Variants in LHFPL6 observed in about 807,000 individuals in gnomAD.
The protein encoded by LHFPL6 is LHFPL tetraspan subfamily member 6.
A neutral mutation model predicts 20.6 loss-of-function variants in LHFPL6; 9 were observed. The ratio of observed to expected loss-of-function variants is 0.44; its 90% CI spans 0.26 to 0.76. LHFPL6 has a LOEUF of 0.76. Ranked by LOEUF, LHFPL6 falls within the 30% of genes least tolerant of loss-of-function variation. The probability of loss-of-function intolerance (pLI) is 0.20; values close to 1 mark genes in which losing one functional copy is unlikely to be tolerated. For synonymous variants in LHFPL6, 105 were observed against 98.7 expected, an observed-to-expected ratio of 1.06 and a Z score of -0.38; for missense variants, 218 against 253.5, an observed-to-expected ratio of 0.86 and a Z score of 0.95.
chr13:39,543,463 C>A (rs1870873758), intron 2 of LHFPL6, among the ~76,000 whole-genome samples: 1 of 152,164 alleles, frequency 6.6e-6, no homozygotes, highest in South Asian at 2.1e-4. Context: ...ATAATAAGCA[C>A]CCAATTAACA....
At chr13:39,465,542 G>T (rs374240221) in intron 2 of LHFPL6, among the ~76,000 whole-genome samples, 3 of 152,184 alleles carry the variant, frequency 2.0e-5, no homozygotes, top group African/African-American at 7.2e-5. Flanking sequence ...CCACCAAACT[G>T]CCACCCGCAG....
chr13:39,378,343 C>T, intron 3 of LHFPL6, 85 bp downstream of exon 3: 7 of 1,091,130 alleles, frequency 6.4e-6, no homozygotes, highest in Non-Finnish European at 8.3e-6. Flanking sequence ...TTTTTCTTAT[C>T]TGTCCCCTTT....
At chr13:39,498,839 G>T (rs970106191) in intron 2 of LHFPL6, among the ~76,000 whole-genome samples, 2 of 152,118 alleles carry the variant, frequency 1.3e-5, no homozygotes, top group African/African-American at 2.4e-5. Context: ...ATATTGTGAG[G>T]CTTTGCCTTT....
chr13:39,441,330 G>T (rs970958351), intron 2 of LHFPL6, among the ~76,000 whole-genome samples: 1 of 151,350 alleles, frequency 6.6e-6, no homozygotes, highest in African/African-American at 2.4e-5. Context: ...TAGTTGATCA[G>T]GAAGTCAAAA....
chr13:39,493,474 G>T (rs1422599742), intron 2 of LHFPL6, among the ~76,000 whole-genome samples: 1 of 152,074 alleles, frequency 6.6e-6, no homozygotes, highest in Non-Finnish European at 1.5e-5. Context: ...ACATGTAAAA[G>T]TTGTTTATGA....
chr13:39,553,241 T>C (rs1281367184), intron 2 of LHFPL6, among the ~76,000 whole-genome samples: 1 of 152,204 alleles, frequency 6.6e-6, no homozygotes, highest in African/African-American at 2.4e-5. Context: ...TAATTATGAA[T>C]CACTGTGGTA....
At chr13:39,530,834 T>C (rs1870443682) in intron 2 of LHFPL6, among the ~76,000 whole-genome samples, 1 of 151,782 alleles carries the variant, frequency 6.6e-6, no homozygotes, top group Non-Finnish European at 1.5e-5. Context: ...AAATTAGCCA[T>C]GAGATTCCAA....
At chr13:39,391,534 T>C (rs963016459) in intron 2 of LHFPL6, among the ~76,000 whole-genome samples, 1 of 152,196 alleles carries the variant, frequency 6.6e-6, no homozygotes, top group African/African-American at 2.4e-5. Context: ...TACATATGTG[T>C]GTATCAAACC....
At chr13:39,547,022 C>A (rs1014862808) in intron 2 of LHFPL6, among the ~76,000 whole-genome samples, 1 of 151,968 alleles carries the variant, frequency 6.6e-6, no homozygotes, top group South Asian at 2.1e-4. Flanking sequence ...TAATAACCAC[C>A]CCCTGCCTCC....
At chr13:39,513,347 C>A (rs779819849) in intron 2 of LHFPL6, among the ~76,000 whole-genome samples, 1 of 152,188 alleles carries the variant, frequency 6.6e-6, no homozygotes, top group Non-Finnish European at 1.5e-5. Context: ...GTTTTCTCAG[C>A]CTTCATCTCT....
At position 39,359,880 on chromosome 13, in the gene LHFPL6, G is replaced by A. The variant is rs906446577; in HGVS notation, c.485-15826C>T. Among the ~76,000 whole-genome samples the A allele has an allele frequency of 3.9e-5, 6 of 152,118 alleles. 1 individual carries two copies. The highest frequency in any genetic ancestry group is 1.4e-4 in the African/African-American group (6 of 41,426). On this transcript the variant is annotated intron_variant, in intron 3 of 3. Transcript: ENST00000379589. ...TCTGTTATTTATTATCAGATTTAGA[G>A]GACTGCATGGTAGGATTTGGACTCT...
At chr13:39,444,763 C>T (rs1217422812) in intron 2 of LHFPL6, among the ~76,000 whole-genome samples, 1 of 152,212 alleles carries the variant, frequency 6.6e-6, no homozygotes, top group Non-Finnish European at 1.5e-5. Flanking sequence ...ATGTTACAGA[C>T]AGTCGGGGGC....
intron 2 of LHFPL6, among the ~76,000 whole-genome samples, chr13:39,595,279 C>CA (rs1872737029): frequency 6.6e-6 from 1 of 152,096 alleles, no homozygotes; most frequent in Admixed American, 6.5e-5. Context: ...TCACTGTCAG[C>CA]CGCCTGTAGT....
chr13:39,470,551 A>G (rs1187485445), intron 2 of LHFPL6, among the ~76,000 whole-genome samples: 1 of 152,170 alleles, frequency 6.6e-6, no homozygotes, highest in African/African-American at 2.4e-5. Flanking sequence ...TTATTTTGGG[A>G]TGTAATGTAT....
intron 2 of LHFPL6, among the ~76,000 whole-genome samples, chr13:39,573,411 A>G (rs1871997981): frequency 6.6e-6 from 1 of 152,178 alleles, no homozygotes; most frequent in Non-Finnish European, 1.5e-5. Flanking sequence ...GGGACCAGAA[A>G]AATAATTGGA....
chr13:39,347,918 T>C (rs927444905), intron 3 of LHFPL6, among the ~76,000 whole-genome samples: 26 of 152,354 alleles, frequency 1.7e-4, no homozygotes, highest in African/African-American at 5.8e-4. Context: ...TACATAGTTC[T>C]ATGACCTAAC....
chr13:39,601,876 A>C (rs376266290), intron 1 of LHFPL6, among the ~76,000 whole-genome samples: 15 of 152,338 alleles, frequency 9.8e-5, no homozygotes, highest in African/African-American at 3.6e-4. Context: ...AATTTTTCAC[A>C]ATTGCAGAGT....
intron 2 of LHFPL6, among the ~76,000 whole-genome samples, chr13:39,397,156 A>T (rs1432283508): frequency 6.6e-6 from 1 of 151,088 alleles, no homozygotes; most frequent in African/African-American, 2.4e-5. Flanking sequence ...TTAATAAAGT[A>T]AATTGAAAAA....
At position 39,377,344 on chromosome 13, in the gene LHFPL6, G is replaced by A. The variant is rs540640983; in HGVS notation, c.484+1084C>T. Among the ~76,000 whole-genome samples, 2 of 152,240 alleles carry A rather than the reference G, an allele frequency of 1.3e-5. 1 individual carries two copies. The highest frequency in any genetic ancestry group is 4.1e-4 in the South Asian group (2 of 4,822). ...TGTTAATCTGCCTTTTATTATAGGA[G>A]CCTTAGGTCTGAATCTAGCAATGGG... On this transcript the variant is annotated intron_variant, in intron 3 of 3. Transcript: ENST00000379589.
Sources: allele counts gnomAD v4.1 joint callset (sites outside exome capture counted in the v4.1 genomes callset), GRCh38; gene constraint gnomAD v4.1.1; transcripts MANE v1.5; gene names NCBI Gene and HGNC (gene_info 2026-07-23, HGNC 2026-07-21).